The following NCALD variants were observed in gnomAD, a reference collection of about 807,000 sequenced individuals.
NCALD encodes neurocalcin-delta.
In NCALD, 10 loss-of-function variants were observed where a neutral mutation model predicts 18.6. That is an observed-to-expected ratio of 0.54 (90% CI 0.33 to 0.91). The LOEUF (loss-of-function observed/expected upper bound fraction) is 0.91. Ranked by LOEUF, NCALD falls within the 40% of genes least tolerant of loss-of-function variation. NCALD has a pLI of 0.03. For missense variants in NCALD, 184 were observed against 247.6 expected, an observed-to-expected ratio of 0.74 and a Z score of 1.72; for synonymous variants, 88 against 87.4, an observed-to-expected ratio of 1.01 and a Z score of -0.04.
At chr8:101,733,628 T>C (rs1586342094) in intron 1 of NCALD, among the ~76,000 whole-genome samples, 1 of 152,216 alleles carries the variant, frequency 6.6e-6, no homozygotes, top group East Asian at 1.9e-4. Flanking sequence ...TTTACAACGA[T>C]GAGCCCTCCA....
intron 4 of NCALD, among the ~76,000 whole-genome samples, chr8:101,821,085 T>C (rs1813702118): frequency 6.6e-6 from 1 of 152,182 alleles, no homozygotes; most frequent in Non-Finnish European, 1.5e-5. Context: ...TTCATCCTCC[T>C]TTATCCAAAA....
chr8:101,761,961 T>C (rs1203269595), intron 1 of NCALD, among the ~76,000 whole-genome samples: 2 of 152,124 alleles, frequency 1.3e-5, no homozygotes, highest in African/African-American at 4.8e-5. Flanking sequence ...AACAACATAG[T>C]AGGGAATGGT....
intron 1 of NCALD, among the ~76,000 whole-genome samples, chr8:101,728,939 T>C (rs1479058832): frequency 6.6e-6 from 1 of 152,232 alleles, no homozygotes; most frequent in Admixed American, 6.5e-5. Context: ...AATGTCTAGA[T>C]TGTGGAGACA....
At chr8:101,738,396 T>C (rs956609885) in intron 1 of NCALD, among the ~76,000 whole-genome samples, 1 of 151,714 alleles carries the variant, frequency 6.6e-6, no homozygotes, top group Non-Finnish European at 1.5e-5. Flanking sequence ...ATACAAAAAT[T>C]AGCTGGGCGT....
chr8:101,690,416 C>A (rs1412902847), intron 3 of NCALD: 2 of 985,294 alleles, frequency 2.0e-6, no homozygotes, highest in Non-Finnish European at 2.4e-6. Context: ...TCCATCTGCT[C>A]CTCCAAGGGC....
chr8:101,874,695 T>A (rs920957692), intron 4 of NCALD, among the ~76,000 whole-genome samples: 23 of 151,952 alleles, frequency 1.5e-4, no homozygotes, highest in African/African-American at 2.9e-4. Context: ...CAGCTAATTT[T>A]AAAAAATTTT....
rs72676156 is a variant in NCALD at position 101,860,298 on chromosome 8, C to T, written c.-20+26843G>A. ...GGATTAAAACTTGGAAAGACAAGGACATGAAGGCCATGGAGGACATCCAAC... is the reference window on the plus strand; with the variant it reads ...GGATTAAAACTTGGAAAGACAAGGATATGAAGGCCATGGAGGACATCCAAC... On this transcript the variant is annotated intron_variant, in intron 4 of 6. Transcript: ENST00000311028. 9.5e-3 allele frequency among the ~76,000 whole-genome samples: 1,448 copies of T among 152,278 alleles called. 14 individuals carry two copies. Among genetic ancestry groups the T allele is most frequent in the Non-Finnish European group, 0.015 (991 of 68,014 alleles).
intron 1 of NCALD, among the ~76,000 whole-genome samples, chr8:101,755,829 G>A (rs545176918): frequency 1.4e-4 from 21 of 152,328 alleles, no homozygotes; most frequent in African/African-American, 5.1e-4. Context: ...GTGTGAATAT[G>A]TATGCATTGT....
At chr8:101,707,950 A>G (rs1815609536) in intron 2 of NCALD, among the ~76,000 whole-genome samples, 1 of 152,190 alleles carries the variant, frequency 6.6e-6, no homozygotes, top group Admixed American at 6.5e-5. Flanking sequence ...AGATTTTTGA[A>G]ACAATCATTA....
At chr8:101,804,330 T>TTATATCAATTATATATTATA (rs1447020768) in intron 4 of NCALD, among the ~76,000 whole-genome samples, 1 of 73,070 alleles carries the variant, frequency 1.4e-5, no homozygotes, top group African/African-American at 3.2e-5. Context: ...TTATATATAA[T>TTATATCAATTATATATTATA]TATATCAATT....
At position 101,746,974 on chromosome 8, in the gene NCALD, G is replaced by A. The variant is rs532220686; in HGVS notation, c.-19-27326C>T. On this transcript the variant is annotated intron_variant, in intron 1 of 3. Coordinates refer to ENST00000220931, the MANE Select transcript of NCALD (RefSeq NM_032041.3). The stretch of plus-strand genomic sequence containing the variant: ...GCAAAGATGTTCCAATCAAATATGT[G>A]CTGAGTAAGAGATATGGCCCAATCT... Among the ~76,000 whole-genome samples, 8 of 152,144 alleles carry A rather than the reference G, an allele frequency of 5.3e-5. No homozygotes were observed. The South Asian group carries it at 1.7e-3, about 32-fold the overall frequency.
At chr8:101,869,088 G>A (rs1268412947) in intron 4 of NCALD, among the ~76,000 whole-genome samples, 1 of 152,212 alleles carries the variant, frequency 6.6e-6, no homozygotes, top group Non-Finnish European at 1.5e-5. Flanking sequence ...CTGTAACAAT[G>A]TGGGCCTGGA....
At chr8:101,983,163 T>G (rs534689480) in intron 2 of NCALD, among the ~76,000 whole-genome samples, 2 of 152,304 alleles carry the variant, frequency 1.3e-5, no homozygotes, top group African/African-American at 4.8e-5. Flanking sequence ...TCACAGAAGT[T>G]CATCTACCTT....
At chr8:101,816,045 GC>G (rs1250821809) in intron 4 of NCALD, among the ~76,000 whole-genome samples, 1 of 152,056 alleles carries the variant, frequency 6.6e-6, no homozygotes, top group Non-Finnish European at 1.5e-5. Context: ...ATATGAAAAG[GC>G]TACATACTGT....
At chr8:102,034,361 T>TTATCAAGGCA (rs1390333084) in intron 1 of NCALD, among the ~76,000 whole-genome samples, 3 of 152,218 alleles carry the variant, frequency 2.0e-5, no homozygotes, top group African/African-American at 4.8e-5. Flanking sequence ...CATGCCTTCA[T>TTATCAAGGCA]TTGTGCAAGG....
intron 2 of NCALD, among the ~76,000 whole-genome samples, chr8:101,982,770 G>A (rs1246426765): frequency 5.3e-5 from 8 of 151,760 alleles, no homozygotes; most frequent in Non-Finnish European, 8.8e-5. Flanking sequence ...GAACCCGGGA[G>A]GCAGAGGCTG....
At chr8:101,952,235 G>A (rs1819455933) in intron 2 of NCALD, among the ~76,000 whole-genome samples, 1 of 152,098 alleles carries the variant, frequency 6.6e-6, no homozygotes, top group Non-Finnish European at 1.5e-5. Context: ...TGCAAGTACA[G>A]GACTCCAAGT....
At chr8:101,851,755 C>G in intron 4 of NCALD, among the ~76,000 whole-genome samples, 1 of 152,100 alleles carries the variant, frequency 6.6e-6, no homozygotes. Context: ...TTAGAGTACA[C>G]TATCTCATTT....
At chr8:101,938,470 T>C (rs1172123444) in intron 2 of NCALD, among the ~76,000 whole-genome samples, 1 of 152,180 alleles carries the variant, frequency 6.6e-6, no homozygotes, top group African/African-American at 2.4e-5. Flanking sequence ...TCTTAACAAT[T>C]ATGTTCTACA....
Sources: gnomAD v4.1 joint callset for allele counts (sites outside exome capture counted in the v4.1 genomes callset) on GRCh38, gnomAD v4.1.1 for gene constraint, MANE v1.5 for transcripts, NCBI Gene and HGNC (gene_info 2026-07-23, HGNC 2026-07-21) for gene names.